Variants in ADI1 observed in about 807,000 individuals in gnomAD.
ADI1 encodes acireductone dioxygenase.
A neutral mutation model predicts 18.7 loss-of-function variants in ADI1; 21 were observed. The ratio of observed to expected loss-of-function variants is 1.13; its 90% CI spans 0.80 to 1.62. The LOEUF (loss-of-function observed/expected upper bound fraction) is 1.62, where lower values mean the gene tolerates loss of function less well. Among genes scored for constraint, ADI1 ranks in the 40% most tolerant of loss-of-function variants. The pLI is 0.00. For synonymous variants in ADI1, 90 were observed against 100.1 expected (o/e 0.90, Z 0.60); for missense variants, 245 against 254.9 (o/e 0.96, Z 0.26).
chr2:3,513,411 T>A (rs1667330922), intron 2 of ADI1, among the ~76,000 whole-genome samples: 1 of 152,182 alleles, frequency 6.6e-6, no homozygotes, highest in Non-Finnish European at 1.5e-5. Flanking sequence ...GTATTGAAAG[T>A]GGGACCTGGT....
Position 3,513,842 on chromosome 2 carries a change from C to T in ADI1, c.240+15G>A, listed in dbSNP as rs1418559606. The T allele has an allele frequency of 6.3e-7, 1 of 1,584,482 alleles. No homozygotes were observed. The highest frequency in any genetic ancestry group is 1.4e-5 in the African/African-American group (1 of 72,990). ...TAATGATACTTCTTTTCCAGGTAAT[C>T]CAGGGCTCCCTTACCTTTTCTTCAT... On this transcript the variant is annotated intron_variant, in intron 2 of 3. Transcript: ENST00000327435.
intron 2 of ADI1, among the ~76,000 whole-genome samples, chr2:3,501,243 G>A (rs975278180): frequency 1.3e-5 from 2 of 152,214 alleles, no homozygotes; most frequent in African/African-American, 4.8e-5. Context: ...CAAAGGTTCT[G>A]AACACTTCAC....
intron 2 of ADI1, among the ~76,000 whole-genome samples, chr2:3,509,203 CAAAG>C (rs766649105): frequency 6.6e-6 from 1 of 151,956 alleles, no homozygotes; most frequent in East Asian, 1.9e-4. Flanking sequence ...GATAGAACTG[CAAAG>C]AAAGATAGAC....
chr2:3,519,348 C>T lies in ADI1; in HGVS notation c.120+20G>A. On this transcript the variant is annotated intron_variant, in intron 1 of 3. Transcript: ENST00000327435. Reference sequence around the variant, plus strand: ...GGGTCGGCGTCGCCCGCACGCTCTGCGAGGCTTGGGCTCGCGTACCTTCCA... The same window carrying T: ...GGGTCGGCGTCGCCCGCACGCTCTGTGAGGCTTGGGCTCGCGTACCTTCCA... The T allele has an allele frequency of 5.0e-6, 7 of 1,408,806 alleles. No homozygotes were observed. The highest frequency in any genetic ancestry group is 5.5e-6 in the Non-Finnish European group (6 of 1,086,440). The allele number at this position is 1,408,806 out of a possible 1,614,324, so 87.3% of individuals were successfully genotyped here.
At position 3,498,965 on chromosome 2, in the gene ADI1, A is replaced by G. The variant is rs751335367; in HGVS notation, c.538T>C (p.Ter180GlnextTer32). 9 of 1,611,124 alleles carry G rather than the reference A, an allele frequency of 5.6e-6. No homozygotes were observed. The African/African-American group carries it at 1.1e-4, about 19-fold the overall frequency. The change falls in exon 4 of 4, where the codon TAG becomes CAG. Residue 180 changes from the stop codon to glutamine, a stop_lost. Transcript: ENST00000327435. ...GTGTTAGTTCCCAGGCAGCACTGCT[A>G]GGCGGTCTGTGCCAGAAATTTCACG... The part of the protein sequence containing the change: ...QYVKFLAQTA[*>Q]
intron 2 of ADI1, among the ~76,000 whole-genome samples, chr2:3,512,080 A>C (rs1667304815): frequency 6.6e-6 from 1 of 152,278 alleles, no homozygotes; most frequent in South Asian, 2.1e-4. Context: ...GTTGGAACTT[A>C]TATTTAAAAG....
rs12617872 is a variant in ADI1, at chr2:3,506,543, T to C, written c.241-5550A>G. ...AACTACAAAACTCTGATGAAACAAA[T>C]CAAAAACTAAACAAATGGAGAGAAA... On this transcript the variant is annotated intron_variant, in intron 2 of 3. Transcript: ENST00000327435. Among the ~76,000 whole-genome samples, 85 of 152,182 alleles carry C rather than the reference T, an allele frequency of 5.6e-4. 2 individuals are homozygous for C. The East Asian group carries it at 0.013, about 24-fold the overall frequency.
At chr2:3,500,500 C>CGACAACCCTCG in intron 3 of ADI1, 1 of 282,442 alleles carries the variant, frequency 3.5e-6, no homozygotes, top group East Asian at 6.4e-5. Context: ...AGGGCTGGGG[C>CGACAACCCTCG]AGGGCCAGGC....
chr2:3,511,381 C>G (rs552595785), intron 2 of ADI1, among the ~76,000 whole-genome samples: 24 of 151,766 alleles, frequency 1.6e-4, no homozygotes, highest in Non-Finnish European at 3.5e-4. Context: ...CTTGTGAGAT[C>G]TGGTCATTTA....
intron 3 of ADI1, 114 bp from the exon 4 acceptor site, chr2:3,499,196 T>A (rs1666937806): frequency 7.1e-7 from 1 of 1,417,784 alleles, no homozygotes; most frequent in East Asian, 2.6e-5. Flanking sequence ...TTACTTGCTA[T>A]TTTTATTCTG....
At chr2:3,513,805 T>C (rs2103212011) in intron 2 of ADI1, 52 bp downstream of exon 2, 2 of 1,538,474 alleles carry the variant, frequency 1.3e-6, no homozygotes, top group Non-Finnish European at 1.7e-6. Flanking sequence ...TTGCGTCTAT[T>C]AGTAGTGAAT....
At chr2:3,518,097 T>G (rs1384171987) in intron 1 of ADI1, among the ~76,000 whole-genome samples, 41 of 152,212 alleles carry the variant, frequency 2.7e-4, no homozygotes, top group Admixed American at 2.7e-3. Context: ...AATGGAAAAC[T>G]ATAAACCACT....
intron 2 of ADI1, among the ~76,000 whole-genome samples, chr2:3,501,532 CTT>C (rs904301727): frequency 6.6e-6 from 1 of 152,034 alleles, no homozygotes; most frequent in African/African-American, 2.4e-5. Context: ...TTCACATTGA[CTT>C]TTGTGTATTT....
intron 1 of ADI1, among the ~76,000 whole-genome samples, chr2:3,518,714 C>A (rs1299910816): frequency 2.0e-5 from 3 of 152,006 alleles, no homozygotes; most frequent in Non-Finnish European, 2.9e-5. Context: ...AGGACACTTT[C>A]AAGCGGAGTC....
At chr2:3,509,251 A>T (rs1667243875) in intron 2 of ADI1, among the ~76,000 whole-genome samples, 1 of 152,222 alleles carries the variant, frequency 6.6e-6, no homozygotes, top group Admixed American at 6.5e-5. Flanking sequence ...TTTCAATACT[A>T]ACAGTAATTG....
intron 2 of ADI1, among the ~76,000 whole-genome samples, chr2:3,504,661 G>A (rs1048383931): frequency 1.3e-5 from 2 of 152,172 alleles, no homozygotes; most frequent in South Asian, 2.1e-4. Flanking sequence ...TGGTATTGTC[G>A]GTTCACCTGC....
At chr2:3,514,421 C>T (rs1454294025) in intron 1 of ADI1, among the ~76,000 whole-genome samples, 1 of 152,184 alleles carries the variant, frequency 6.6e-6, no homozygotes, top group Non-Finnish European at 1.5e-5. Context: ...AAATAAAACT[C>T]AAGTTAATTA....
Position 3,498,115 on chromosome 2 carries a change from G to T in ADI1, c.*848C>A, listed in dbSNP as rs1340171131. The stretch of plus-strand genomic sequence containing the variant: ...TTAAGAAAATTAATCCTAACATGAA[G>T]ATTTTTCATCCAGTTAAAAAAAGAA... On this transcript the variant is annotated 3_prime_UTR_variant, in exon 4 of 4. Transcript: ENST00000327435. The T allele has an allele frequency of 1.3e-5, 2 of 152,018 alleles. No homozygotes were observed. Among genetic ancestry groups the T allele is most frequent in the Non-Finnish European group, 2.9e-5 (2 of 68,002 alleles). The allele number at this position is 152,018 out of a possible 1,614,324, so 9.4% of individuals were successfully genotyped here.
chr2:3,515,977 G>C (rs367647937), intron 1 of ADI1: 82 of 985,118 alleles, frequency 8.3e-5, no homozygotes, highest in African/African-American at 5.2e-4. Flanking sequence ...CCTATCCACT[G>C]CATGATATGC....
Sources: gnomAD v4.1 joint callset for allele counts (sites outside exome capture counted in the v4.1 genomes callset) on GRCh38, gnomAD v4.1.1 for gene constraint, MANE v1.5 for transcripts, NCBI Gene and HGNC (gene_info 2026-07-23, HGNC 2026-07-21) for gene names.